Variants in RYR2 observed in about 807,000 individuals in gnomAD.
The protein encoded by RYR2 is cardiac muscle ryanodine receptor-calcium release channel.
RYR2 carries 227 observed loss-of-function variants against 601.1 expected under a neutral mutation model. The ratio of observed to expected loss-of-function variants is 0.38; its 90% CI spans 0.34 to 0.42. The LOEUF is 0.42. Ranked by LOEUF, RYR2 falls within the 10% of genes least tolerant of loss-of-function variation. The probability of loss-of-function intolerance (pLI) is 1.00; values close to 1 mark genes in which losing one functional copy is unlikely to be tolerated. For missense variants in RYR2, 4,646 were observed against 6,156.5 expected (o/e 0.75, Z 8.21); for synonymous variants, 2,223 against 2,175.1 (o/e 1.02, Z -0.61).
At position 237,423,253 on chromosome 1, in the gene RYR2, G is replaced by A; in HGVS notation, c.1005+5G>A. The A allele has an allele frequency of 2.5e-6, 4 of 1,610,528 alleles. No individual in the cohort carries two copies. Among genetic ancestry groups the A allele is most frequent in the Non-Finnish European group, 3.4e-6 (4 of 1,178,844 alleles). On this transcript the variant is annotated splice_donor_5th_base_variant and intron_variant, in intron 12 of 104. Transcript: ENST00000366574. ...TTTACCTTCCGGTCTTCCAAGGTGA[G>A]ACAGAAAATATTTTGGGTTTCCTAT...
intron 4 of RYR2, among the ~76,000 whole-genome samples, chr1:237,360,048 A>G (rs1216419139): frequency 1.3e-5 from 2 of 152,234 alleles, no homozygotes; most frequent in Non-Finnish European, 2.9e-5. Flanking sequence ...TAATTGTTAA[A>G]ATCCATAATC....
At chr1:237,655,768 T>C in intron 52 of RYR2, 53 bp from the exon 53 acceptor site, 5 of 1,516,472 alleles carry the variant, frequency 3.3e-6, no homozygotes, top group Non-Finnish European at 4.4e-6. Context: ...ATGATCATGC[T>C]GACAACTTTT....
At chr1:237,477,668 A>G (rs1217099391) in intron 17 of RYR2, among the ~76,000 whole-genome samples, 1 of 152,196 alleles carries the variant, frequency 6.6e-6, no homozygotes, top group Non-Finnish European at 1.5e-5. Context: ...GTCAAGTTTA[A>G]GTGTCTGTTA....
intron 2 of RYR2, 36 bp downstream of exon 2, chr1:237,270,652 A>C: frequency 6.4e-7 from 1 of 1,553,670 alleles, no homozygotes; most frequent in Non-Finnish European, 8.7e-7. Flanking sequence ...TCAAATATGC[A>C]AGTTTTACTA....
rs115880808 is a variant in RYR2 at position 237,189,124 on chromosome 1, T to C, written c.49-81373T>C. Among the ~76,000 whole-genome samples, 478 of 152,312 alleles carry C rather than the reference T, an allele frequency of 3.1e-3. 2 individuals carry two copies. Among genetic ancestry groups the C allele is most frequent in the Non-Finnish European group, 5.6e-3 (384 of 68,014 alleles). On this transcript the variant is annotated intron_variant, in intron 1 of 104. Coordinates refer to ENST00000366574, the MANE Select transcript of RYR2 (RefSeq NM_001035.3). ...GATTTTGATTACTTCAGATACTTGA[T>C]GTGAGTGGAATAATACAGCATTTGC...
At chr1:237,349,176 A>C (rs1698546870) in intron 3 of RYR2, among the ~76,000 whole-genome samples, 1 of 152,154 alleles carries the variant, frequency 6.6e-6, no homozygotes, top group South Asian at 2.1e-4. Context: ...AAATGCTGAA[A>C]ACTAGAAAAA....
intron 40 of RYR2, 46 bp from the exon 41 acceptor site, chr1:237,627,761 T>C: frequency 3.3e-6 from 5 of 1,508,588 alleles, no homozygotes; most frequent in Non-Finnish European, 4.5e-6. Context: ...AACTGATTTG[T>C]CTTCTCTTAT....
At position 237,202,086 on chromosome 1, in the gene RYR2, G is replaced by T. The variant is rs151153576; in HGVS notation, c.49-68411G>T. Among the ~76,000 whole-genome samples, 28 of 152,294 alleles carry T rather than the reference G, an allele frequency of 1.8e-4. 1 individual carries two copies. The East Asian group carries it at 5.4e-3, about 29-fold the overall frequency. Reference sequence around the variant, plus strand: ...AGAAACCTTAATGTAGGATTCAAAAGATGCTATTTGTTACTATGAATTTTA... The same window carrying T: ...AGAAACCTTAATGTAGGATTCAAAATATGCTATTTGTTACTATGAATTTTA... On this transcript the variant is annotated intron_variant, in intron 1 of 104. Transcript: ENST00000366574.
intron 87 of RYR2, 87 bp from the exon 88 acceptor site, chr1:237,778,579 T>A: frequency 1.6e-6 from 1 of 629,338 alleles, no homozygotes; most frequent in Non-Finnish European, 2.9e-6. Flanking sequence ...ATATCAGCAC[T>A]AAGTCAACTT....
intron 10 of RYR2, among the ~76,000 whole-genome samples, chr1:237,391,721 C>A (rs1702400193): frequency 1.3e-5 from 2 of 152,050 alleles, no homozygotes; most frequent in African/African-American, 2.4e-5. Flanking sequence ...GTTACCTTTA[C>A]CTTCCTCTTC....
At chr1:237,635,023 C>G (rs1345052453) in intron 44 of RYR2, 31 bp downstream of exon 44, 4 of 1,382,684 alleles carry the variant, frequency 2.9e-6, no homozygotes, top group Non-Finnish European at 3.9e-6. Context: ...GTGTGTTTGT[C>G]TGAATTATGC....
chr1:237,674,961 C>T (rs899871466), intron 60 of RYR2, 115 bp downstream of exon 60: 2 of 515,572 alleles, frequency 3.9e-6, no homozygotes, highest in African/African-American at 3.8e-5. Context: ...ATAAACCCAT[C>T]TATTCATCCT....
At chr1:237,761,733 T>C (rs1205166049) in intron 84 of RYR2, among the ~76,000 whole-genome samples, 1 of 152,164 alleles carries the variant, frequency 6.6e-6, no homozygotes, top group African/African-American at 2.4e-5. Flanking sequence ...TCTTCAGTAG[T>C]TTTTGGTTTG....
At chr1:237,594,905 T>TTTTTTTTTTTTATA (rs1675687519) in intron 33 of RYR2, among the ~76,000 whole-genome samples, 1 of 50,070 alleles carries the variant, frequency 2.0e-5, no homozygotes, top group African/African-American at 4.5e-5. Context: ...TTTTTTTTTT[T>TTTTTTTTTTTTATA]TTTTTTTTTT....
At chr1:237,125,698 C>G (rs1223694858) in intron 1 of RYR2, among the ~76,000 whole-genome samples, 1 of 152,132 alleles carries the variant, frequency 6.6e-6, no homozygotes, top group Non-Finnish European at 1.5e-5. Flanking sequence ...AATTAAAGTT[C>G]TTTGTAAAAA....
chr1:237,506,687 T>A, intron 22 of RYR2, 23 bp from the exon 23 acceptor site: 3 of 1,574,952 alleles, frequency 1.9e-6, no homozygotes, highest in Non-Finnish European at 2.6e-6. Flanking sequence ...CTGATGTGTC[T>A]TTTTTCTTTT....
chr1:237,674,970 C>T (rs932745920), intron 60 of RYR2, 124 bp downstream of exon 60: 2 of 488,302 alleles, frequency 4.1e-6, no homozygotes, highest in Non-Finnish European at 7.3e-6. Flanking sequence ...TCTATTCATC[C>T]TACTACTAAG....
At chr1:237,827,494 G>T (rs187497106) in intron 101 of RYR2, among the ~76,000 whole-genome samples, 2 of 151,944 alleles carry the variant, frequency 1.3e-5, no homozygotes, top group African/African-American at 4.8e-5. Flanking sequence ...TCAGGGTGTG[G>T]TGGTGTGCGC....
At chr1:237,444,499 G>A (rs1375943863) in intron 13 of RYR2, among the ~76,000 whole-genome samples, 2 of 152,224 alleles carry the variant, frequency 1.3e-5, no homozygotes, top group South Asian at 2.1e-4. Flanking sequence ...CTGGGTAGGT[G>A]TATTAAATTA....
Sources: allele counts gnomAD v4.1 joint callset (sites outside exome capture counted in the v4.1 genomes callset), GRCh38; gene constraint gnomAD v4.1.1; transcripts MANE v1.5; gene names NCBI Gene and HGNC (gene_info 2026-07-23, HGNC 2026-07-21).